ATP13A4: variants seen among roughly 807,000 people sequenced by gnomAD.
The protein encoded by ATP13A4 is ATPase 13A4.
A neutral mutation model predicts 142.5 loss-of-function variants in ATP13A4; 114 were observed. The observed-to-expected ratio is 0.80, with a 90% CI of 0.69 to 0.93. ATP13A4 has a LOEUF of 0.93. ATP13A4 is among the 40% of genes least tolerant of loss of function. The pLI is 0.00. For missense variants in ATP13A4, 1,392 were observed against 1,454.0 expected, an observed-to-expected ratio of 0.96 and a Z score of 0.69; for synonymous variants, 488 against 514.8, an observed-to-expected ratio of 0.95 and a Z score of 0.70.
intron 28 of ATP13A4, among the ~76,000 whole-genome samples, chr3:193,408,609 C>T (rs1162929534): frequency 6.6e-6 from 1 of 152,178 alleles, no homozygotes; most frequent in Non-Finnish European, 1.5e-5. Flanking sequence ...GAATCCACCA[C>T]CACATCCACT....
At chr3:193,482,915 G>C (rs780068771) in intron 8 of ATP13A4, among the ~76,000 whole-genome samples, 1 of 152,174 alleles carries the variant, frequency 6.6e-6, no homozygotes, top group Non-Finnish European at 1.5e-5. Context: ...AGAAATGAAA[G>C]AGCATGTCTA....
chr3:193,440,468 C>T (rs1237573170), intron 21 of ATP13A4, 90 bp downstream of exon 21: 2 of 1,593,268 alleles, frequency 1.3e-6, no homozygotes, highest in Non-Finnish European at 1.7e-6. Flanking sequence ...CTGCCCTTGT[C>T]AAACTGAGTG....
In ATP13A4 at chr3:193,435,683, T is replaced by C. The variant is rs780083194; in HGVS notation, c.2734A>G (p.Met912Val). The change falls in exon 24 of 30, where the codon ATG (methionine) becomes GTG (valine). Residue 912 changes from methionine (M) to valine (V), a missense_variant. Physicochemically the swap from Met to Val is conservative, Grantham distance 21. Transcript: ENST00000342695. ...CMFKYMALYS[M>V]IQYVGVLLLY... is the part of the protein sequence containing the mutation. The stretch of plus-strand genomic sequence containing the variant: ...AGCAGAACACCAACATACTGAATCA[T>C]GCTGTACAGAGCCATGTACTTAAAC... 5.6e-6 allele frequency: 9 copies of C among 1,613,958 alleles called. No homozygotes were observed. The African/African-American group carries it at 9.3e-5, about 17-fold the overall frequency.
At chr3:193,586,126 C>G (rs1026905961) in intron 1 of ATP13A4, among the ~76,000 whole-genome samples, 1 of 151,018 alleles carries the variant, frequency 6.6e-6, no homozygotes, top group Non-Finnish European at 1.5e-5. Context: ...CATATACACA[C>G]ACACGCATAT....
intron 2 of ATP13A4, among the ~76,000 whole-genome samples, chr3:193,572,653 G>C (rs753967426): frequency 1.3e-5 from 2 of 152,194 alleles, no homozygotes; most frequent in Non-Finnish European, 2.9e-5. Flanking sequence ...GTCTGGACAA[G>C]AGTGGAGACA....
Position 193,402,772 on chromosome 3 carries a change from G to A in ATP13A4, c.3471C>T (p.Asp1157=), listed in dbSNP as rs556517660. The A allele has an allele frequency of 5.0e-6, 8 of 1,614,114 alleles. No individual in the cohort carries two copies. The African/African-American group carries it at 9.3e-5, about 19-fold the overall frequency. The part of the protein sequence containing the change: ...SKSQYRIWQR[D]LANDPSWPPL... ...GGGGCCAACTAGGGTCATTTGCCAAGTCCCTCTGCCATATCCGATACTGGC... is the reference window on the plus strand; with the variant it reads ...GGGGCCAACTAGGGTCATTTGCCAAATCCCTCTGCCATATCCGATACTGGC... Residue 1157 remains aspartate (D), a synonymous_variant, in exon 30 of 30, where the codon GAC becomes GAT. Transcript: ENST00000342695.
At chr3:193,404,291 G>A (rs1442128426) in intron 29 of ATP13A4, 4 of 338,802 alleles carry the variant, frequency 1.2e-5, no homozygotes, top group Non-Finnish European at 1.7e-5. Context: ...AGAAACTTTG[G>A]TGCTCTCCAT....
intron 25 of ATP13A4, among the ~76,000 whole-genome samples, chr3:193,419,454 T>C (rs1317509969): frequency 6.7e-6 from 1 of 150,018 alleles, no homozygotes; most frequent in African/African-American, 2.5e-5. Context: ...AAATGGTACT[T>C]TGGCTTCCCA....
chr3:193,542,556 T>A (rs1016143767), intron 1 of ATP13A4, among the ~76,000 whole-genome samples: 2 of 151,554 alleles, frequency 1.3e-5, no homozygotes, highest in African/African-American at 4.8e-5. Flanking sequence ...GCTGGAGGCA[T>A]CAGGCTACCT....
At chr3:193,448,584 C>T (rs1717093447) in intron 17 of ATP13A4, among the ~76,000 whole-genome samples, 1 of 152,214 alleles carries the variant, frequency 6.6e-6, no homozygotes, top group Admixed American at 6.5e-5. Flanking sequence ...GATTCACCCG[C>T]CTCAGCTTCC....
intron 2 of ATP13A4, among the ~76,000 whole-genome samples, chr3:193,503,936 A>C (rs1309584986): frequency 1.3e-5 from 2 of 151,496 alleles, no homozygotes; most frequent in Non-Finnish European, 2.9e-5. Flanking sequence ...GACTATGGGT[A>C]GGAATTGTGT....
intron 8 of ATP13A4, among the ~76,000 whole-genome samples, chr3:193,480,011 G>A (rs946385590): frequency 1.3e-5 from 2 of 151,992 alleles, no homozygotes; most frequent in Admixed American, 6.6e-5. Context: ...CAAACAAGTG[G>A]TGAAAGGTCA....
intron 1 of ATP13A4, among the ~76,000 whole-genome samples, chr3:193,521,052 C>A (rs115803661): frequency 1.3e-5 from 2 of 152,118 alleles, no homozygotes; most frequent in African/African-American, 4.8e-5. Flanking sequence ...AGGCAACGAT[C>A]GTAAAAATGC....
In ATP13A4 at chr3:193,467,160, G is replaced by A. The variant is rs116452500; in HGVS notation, c.1114+156C>T. ...TCAAAACATCTCAGGTATCCCATAA[G>A]TATATACACAGCTACTATATACCCA... On this transcript the variant is annotated intron_variant, in intron 10 of 29. Transcript: ENST00000342695. 6.1e-3 allele frequency among the ~76,000 whole-genome samples: 922 copies of A among 151,974 alleles called. 12 individuals carry two copies. The highest frequency in any genetic ancestry group is 0.021 in the African/African-American group (890 of 41,422).
At chr3:193,467,283 C>G in intron 10 of ATP13A4, 33 bp downstream of exon 10, 1 of 1,612,072 alleles carries the variant, frequency 6.2e-7, no homozygotes, top group Non-Finnish European at 8.5e-7. Context: ...AAAAGTATAC[C>G]ATTAAAAATA....
chr3:193,430,667 G>T (rs1560181228), intron 25 of ATP13A4, among the ~76,000 whole-genome samples: 1 of 151,982 alleles, frequency 6.6e-6, no homozygotes, highest in Non-Finnish European at 1.5e-5. Flanking sequence ...CAATGCAAGG[G>T]TACTTGAGTT....
At chr3:193,446,030 G>C (rs986192556) in intron 18 of ATP13A4, among the ~76,000 whole-genome samples, 4 of 152,046 alleles carry the variant, frequency 2.6e-5, no homozygotes, top group African/African-American at 9.7e-5. Flanking sequence ...AAGGCAAGTG[G>C]TGCATGCCTG....
chr3:193,473,006 T>C (rs571101101), intron 8 of ATP13A4, among the ~76,000 whole-genome samples: 42 of 152,380 alleles, frequency 2.8e-4, no homozygotes, highest in Middle Eastern at 3.4e-3. Context: ...GCTAGTCTTC[T>C]TGTTTATACA....
At chr3:193,440,812 T>C (rs890203416) in intron 20 of ATP13A4, among the ~76,000 whole-genome samples, 175 bp from the exon 21 acceptor site, 2 of 152,136 alleles carry the variant, frequency 1.3e-5, no homozygotes, top group Admixed American at 1.3e-4. Context: ...GGTCATCAGA[T>C]AAGTGATCAG....
Sources: allele counts gnomAD v4.1 joint callset (sites outside exome capture counted in the v4.1 genomes callset), GRCh38; gene constraint gnomAD v4.1.1; transcripts MANE v1.5; gene names NCBI Gene and HGNC (gene_info 2026-07-23, HGNC 2026-07-21).